Variants in DEPDC1B observed in about 807,000 individuals in gnomAD.
DEPDC1B encodes DEP domain-containing protein 1B.
DEPDC1B carries 51 observed loss-of-function variants against 66.5 expected under a neutral mutation model. That is an observed-to-expected ratio of 0.77 (90% confidence interval 0.61 to 0.97). DEPDC1B has a LOEUF of 0.97. Among genes scored for constraint, DEPDC1B ranks in the 50% least tolerant of loss-of-function variants. The pLI, the probability that DEPDC1B is intolerant of heterozygous loss-of-function variation, is 0.00. For synonymous variants in DEPDC1B, 226 were observed against 223.6 expected, an observed-to-expected ratio of 1.01 and a Z score of -0.10; for missense variants, 552 against 637.1, an observed-to-expected ratio of 0.87 and a Z score of 1.44.
intron 2 of DEPDC1B, among the ~76,000 whole-genome samples, chr5:60,679,070 AG>A (rs1754233238): frequency 6.6e-6 from 1 of 152,226 alleles, no homozygotes; most frequent in South Asian, 2.1e-4. Flanking sequence ...ATGAAGTATA[AG>A]GTTTATGTTG....
At position 60,638,860 on chromosome 5, in the gene DEPDC1B, A is replaced by G. The variant is rs374813881; in HGVS notation, c.788T>C (p.Met263Thr). ...WPNCSDLKQPMYLGFEKDVFK... is the reference protein window; with the variant it reads ...WPNCSDLKQPTYLGFEKDVFK... ...GACATCTTTTTCAAATCCCAAGTAC[A>G]TAGGCTGCTTCAAATCAGAACAGTT... is the stretch of plus-strand genomic sequence containing the variant. The change falls in exon 7 of 11, where the codon ATG becomes ACG. Residue 263 changes from methionine (M) to threonine (T), a missense_variant. Coordinates refer to ENST00000265036, the MANE Select transcript of DEPDC1B (RefSeq NM_018369.3). 173 of 1,612,662 alleles carry G rather than the reference A, an allele frequency of 1.1e-4. No homozygotes were observed. The highest frequency in any genetic ancestry group is 1.4e-4 in the Non-Finnish European group (166 of 1,179,538).
At chr5:60,669,885 TC>T (rs996277033) in intron 2 of DEPDC1B, among the ~76,000 whole-genome samples, 2 of 151,986 alleles carry the variant, frequency 1.3e-5, no homozygotes, top group African/African-American at 4.8e-5. Context: ...CAGAAAAAAA[TC>T]TATAAAATAT....
chr5:60,599,784 T>G (rs1254420815), intron 9 of DEPDC1B, among the ~76,000 whole-genome samples: 1 of 152,232 alleles, frequency 6.6e-6, no homozygotes, highest in Non-Finnish European at 1.5e-5. Context: ...ACCCACCCCT[T>G]TATTTCCCAT....
chr5:60,654,506 A>G (rs1286757570), intron 2 of DEPDC1B, among the ~76,000 whole-genome samples: 2 of 148,700 alleles, frequency 1.3e-5, no homozygotes, highest in African/African-American at 2.5e-5. Context: ...GAATTCATTG[A>G]TCAGTTCCAG....
At chr5:60,646,664 AC>A (rs879786757) in intron 3 of DEPDC1B, among the ~76,000 whole-genome samples, 2 of 152,202 alleles carry the variant, frequency 1.3e-5, no homozygotes, top group Non-Finnish European at 2.9e-5. Context: ...CCCACAGGCC[AC>A]AGACTGGTAT....
At chr5:60,639,017 G>A (rs1045608627) in intron 6 of DEPDC1B, 127 bp from the exon 7 acceptor site, 3 of 1,022,632 alleles carry the variant, frequency 2.9e-6, no homozygotes, top group South Asian at 2.0e-5. Context: ...AGTTTTTATG[G>A]GGAAAATTGA....
At chr5:60,599,043 G>A (rs1752150165) in intron 10 of DEPDC1B, 32 bp downstream of exon 10, 3 of 1,529,406 alleles carry the variant, frequency 2.0e-6, no homozygotes, top group African/African-American at 1.4e-5. Flanking sequence ...GTAGGGAGGA[G>A]AAAAAATGGC....
intron 5 of DEPDC1B, among the ~76,000 whole-genome samples, chr5:60,643,167 C>T (rs189642490): frequency 9.9e-5 from 15 of 152,038 alleles, no homozygotes; most frequent in African/African-American, 2.4e-4. Flanking sequence ...AAAAGACAAA[C>T]CAATTATTTT....
intron 7 of DEPDC1B, among the ~76,000 whole-genome samples, chr5:60,613,373 T>C (rs1752462912): frequency 6.6e-6 from 1 of 152,162 alleles, no homozygotes; most frequent in Non-Finnish European, 1.5e-5. Flanking sequence ...AATATATACT[T>C]GAGAATCATT....
At chr5:60,601,290 A>T (rs1333223659) in intron 9 of DEPDC1B, among the ~76,000 whole-genome samples, 1 of 152,212 alleles carries the variant, frequency 6.6e-6, no homozygotes, top group Non-Finnish European at 1.5e-5. Context: ...GTTGGCTCAT[A>T]AAAATATCAG....
intron 7 of DEPDC1B, among the ~76,000 whole-genome samples, chr5:60,611,692 C>T (rs1447218520): frequency 2.6e-5 from 4 of 152,184 alleles, no homozygotes; most frequent in Non-Finnish European, 5.9e-5. Flanking sequence ...TTAAGCCCCA[C>T]CCTAACCTAG....
chr5:60,640,401 T>TA (rs1287744380), intron 6 of DEPDC1B, among the ~76,000 whole-genome samples: 2 of 152,014 alleles, frequency 1.3e-5, no homozygotes, highest in Admixed American at 6.6e-5. Flanking sequence ...AAGGTTTCCC[T>TA]AAAAAAAATC....
rs565635621 is a variant in DEPDC1B at position 60,644,437 on chromosome 5, T to C, written c.709+308A>G. The stretch of plus-strand genomic sequence containing the variant: ...GGCCCACCTGAAAACTGACTCTAAC[T>C]CTTGGTTATGTCTTGAATATTCTCA... On this transcript the variant is annotated intron_variant, in intron 5 of 10. Transcript: ENST00000265036. Among the ~76,000 whole-genome samples the C allele has an allele frequency of 3.3e-5, 5 of 152,282 alleles. No homozygotes were observed. In the East Asian group the frequency reaches 9.6e-4, roughly 29 times the overall value.
chr5:60,628,507 TCA>T (rs1042114618), intron 7 of DEPDC1B: 3 of 151,876 alleles, frequency 2.0e-5, no homozygotes, highest in African/African-American at 4.8e-5. Flanking sequence ...AAAAAAAAAG[TCA>T]CAGTTTCATT....
At chr5:60,688,849 C>G (rs554920769) in intron 1 of DEPDC1B, 12 of 281,932 alleles carry the variant, frequency 4.3e-5, no homozygotes, top group African/African-American at 2.4e-4. Flanking sequence ...AGAAACAGCA[C>G]ACCACACACT....
chr5:60,654,716 G>A (rs1753537215), intron 2 of DEPDC1B, among the ~76,000 whole-genome samples: 1 of 148,526 alleles, frequency 6.7e-6, no homozygotes, highest in Non-Finnish European at 1.5e-5. Context: ...GTTCTCAGGG[G>A]GAATGCTTTC....
rs775898971 is a variant in DEPDC1B, at chr5:60,700,130, C to T, written c.-37G>A. Reference sequence around the variant, plus strand: ...AGCAGCGGCCGCAGCCGCGCCAGCGCTGATCCCCGCCAGCCGGAGGAGCAG... The same window carrying T: ...AGCAGCGGCCGCAGCCGCGCCAGCGTTGATCCCCGCCAGCCGGAGGAGCAG... On this transcript the variant is annotated 5_prime_UTR_variant, in exon 1 of 11. Transcript: ENST00000265036. 3 of 1,534,050 alleles carry T rather than the reference C, an allele frequency of 2.0e-6. No individual in the cohort carries two copies. The highest frequency in any genetic ancestry group is 2.1e-4 in the Middle Eastern group (1 of 4,690).
intron 3 of DEPDC1B, among the ~76,000 whole-genome samples, chr5:60,647,094 C>CCCCCA (rs1215426577): frequency 6.6e-6 from 1 of 151,698 alleles, no homozygotes; most frequent in Non-Finnish European, 1.5e-5. Context: ...ACCACCCCCA[C>CCCCCA]CCCCACCCCA....
At chr5:60,642,783 C>G in intron 6 of DEPDC1B, 29 bp downstream of exon 6, 1 of 1,594,206 alleles carries the variant, frequency 6.3e-7, no homozygotes. Context: ...CTGTTAATTT[C>G]ACAAAACTGG....
Sources: gnomAD v4.1 joint callset for allele counts (sites outside exome capture counted in the v4.1 genomes callset) on GRCh38, gnomAD v4.1.1 for gene constraint, MANE v1.5 for transcripts, NCBI Gene and HGNC (gene_info 2026-07-23, HGNC 2026-07-21) for gene names.